Variants in ADGRF1 observed in about 807,000 individuals in gnomAD.
ADGRF1 encodes the protein G protein-coupled receptor 110.
Under a neutral mutation model 87.2 loss-of-function variants are expected in ADGRF1, and 85 were observed. That is an observed-to-expected ratio of 0.97 (90% CI 0.82 to 1.17). The LOEUF is 1.17. Ranked by LOEUF, ADGRF1 falls within the 50% of genes most tolerant of loss-of-function variation. The probability of loss-of-function intolerance (pLI) is 0.00; values close to 1 mark genes in which losing one functional copy is unlikely to be tolerated. For synonymous variants in ADGRF1, 430 were observed against 408.8 expected (o/e 1.05, Z -0.63); for missense variants, 1,169 against 1,077.2 (o/e 1.09, Z -1.19).
intron 13 of ADGRF1, 91 bp from the exon 14 acceptor site, chr6:47,001,658 T>A: frequency 1.0e-6 from 1 of 986,746 alleles, no homozygotes. Flanking sequence ...TATTCATGAT[T>A]CTTTATTTCA....
At chr6:47,036,209 G>C (rs1314718290) in intron 1 of ADGRF1, among the ~76,000 whole-genome samples, 1 of 152,120 alleles carries the variant, frequency 6.6e-6, no homozygotes, top group East Asian at 1.9e-4. Context: ...CAGCCTGGGA[G>C]AGAGAGGGAG....
At position 46,997,831 on chromosome 6, in the gene ADGRF1, A is replaced by T. The variant is rs1342199068; in HGVS notation, c.*2391T>A. 6.6e-6 allele frequency: 1 copy of T among 152,186 alleles called. No individual in the cohort carries two copies. Among genetic ancestry groups the T allele is most frequent in the Non-Finnish European group, 1.5e-5 (1 of 68,028 alleles). The allele number at this position is 152,186 out of a possible 1,614,324, so 9.4% of individuals were successfully genotyped here. The stretch of plus-strand genomic sequence containing the variant: ...ATCAAACATTTTTTTGTCTCTCATC[A>T]TCCTCATAAAATTTATTCAGTGGGA... On this transcript the variant is annotated 3_prime_UTR_variant, in exon 15 of 15. Coordinates refer to ENST00000371253, the MANE Select transcript of ADGRF1 (RefSeq NM_153840.4).
intron 1 of ADGRF1, among the ~76,000 whole-genome samples, chr6:47,031,351 G>GTCTC (rs374462680): frequency 0.064 from 7,068 of 110,612 alleles, 255 homozygotes; most frequent in Middle Eastern, 0.089. Context: ...CTCTCTCTCT[G>GTCTC]TCTCTCTCTC....
chr6:47,013,356 C>G (rs1057047485), intron 9 of ADGRF1: 138 of 985,468 alleles, frequency 1.4e-4, no homozygotes, highest in Non-Finnish European at 1.6e-4. Flanking sequence ...ATCTAATCCC[C>G]TTCCCCAGTT....
Position 46,998,546 on chromosome 6 carries a change from C to G in ADGRF1, c.*1676G>C, listed in dbSNP as rs1196216737. The G allele has an allele frequency of 6.6e-6, 1 of 152,270 alleles. No homozygotes were observed. The highest frequency in any genetic ancestry group is 1.5e-5 in the Non-Finnish European group (1 of 68,080). The allele number at this position is 152,270 out of a possible 1,614,324, so 9.4% of individuals were successfully genotyped here. A position where few individuals can be genotyped will look rare whatever the true frequency, so the allele number is the denominator to read the frequency against. ...GGCTATTCTCAACACAGAACTCATT[C>G]AGGGCTCTACTACCGGAGCTGTGGC... On this transcript the variant is annotated 3_prime_UTR_variant, in exon 15 of 15. Coordinates refer to ENST00000371253, the MANE Select transcript of ADGRF1 (RefSeq NM_153840.4).
intron 7 of ADGRF1, chr6:47,017,556 T>C (rs2113890046): frequency 6.6e-6 from 1 of 152,120 alleles, no homozygotes; most frequent in Middle Eastern, 3.4e-3. Flanking sequence ...CAATAATAAC[T>C]CCAAGGAATG....
chr6:47,037,025 C>T (rs1009759001), intron 1 of ADGRF1, among the ~76,000 whole-genome samples: 2 of 152,178 alleles, frequency 1.3e-5, no homozygotes, highest in Non-Finnish European at 2.9e-5. Context: ...AAGGAAAGTG[C>T]TGCTTCAAAA....
Position 47,001,541 on chromosome 6 carries a change from T to C in ADGRF1, c.2619A>G (p.Lys873=), listed in dbSNP as rs753005731. ...EKQNSSDLSA[K]PKFSKPFNPL... ...GGTTGAAAGGCTTTGAGAATTTGGG[T>C]TTGGCAGATAAATCTGATGAGTTTT... The change falls in exon 14 of 15, where the codon AAA becomes AAG. Residue 873 remains lysine (K), a synonymous_variant. Coordinates refer to ENST00000371253, the MANE Select transcript of ADGRF1 (RefSeq NM_153840.4). The C allele has an allele frequency of 8.1e-6, 13 of 1,613,916 alleles. No homozygotes were observed. The South Asian group carries it at 1.1e-4, about 14-fold the overall frequency.
At chr6:47,023,532 A>T (rs984132230) in intron 5 of ADGRF1, among the ~76,000 whole-genome samples, 1 of 152,112 alleles carries the variant, frequency 6.6e-6, no homozygotes, top group African/African-American at 2.4e-5. Flanking sequence ...CTCAGCTTCC[A>T]TTGGTTTCCT....
In ADGRF1 at chr6:47,009,507, A is replaced by G. The variant is rs753139873; in HGVS notation, c.1928T>C (p.Val643Ala). 1 of 1,613,976 alleles carries G rather than the reference A, an allele frequency of 6.2e-7. No individual in the cohort carries two copies. The highest frequency in any genetic ancestry group is 1.3e-5 in the African/African-American group (1 of 74,948). ...SLLIADVWFI[V>A]GATVDTTVNP... is the part of the protein sequence containing the mutation. ...CACCGTGGTGTCCACTGTGGCACCA[A>G]CAATAAACCAGACATCAGCAATCAA... The change falls in exon 11 of 15, where the codon GTT becomes GCT. Residue 643 changes from valine to alanine, a missense_variant. Transcript: ENST00000371253.
intron 1 of ADGRF1, among the ~76,000 whole-genome samples, chr6:47,031,668 CG>C (rs1561881318): frequency 6.6e-6 from 1 of 152,088 alleles, no homozygotes. Context: ...TGGGTGTCCC[CG>C]TCTCACCCTA....
rs1780334037 is a variant in ADGRF1 at position 47,029,071 on chromosome 6, A to G, written c.-10T>C. On this transcript the variant is annotated 5_prime_UTR_variant, in exon 2 of 15. Coordinates refer to ENST00000371253, the MANE Select transcript of ADGRF1 (RefSeq NM_153840.4). ...GCACTCCAACTTTCATTTTCCCTGGACTGAACAGCAGCAGTCGGGTGCATA... is the reference window on the plus strand; with the variant it reads ...GCACTCCAACTTTCATTTTCCCTGGGCTGAACAGCAGCAGTCGGGTGCATA... 6.2e-7 allele frequency: 1 copy of G among 1,612,986 alleles called. No individual in the cohort carries two copies. Among genetic ancestry groups the G allele is most frequent in the African/African-American group, 1.3e-5 (1 of 75,028 alleles).
At chr6:47,026,127 G>T in intron 3 of ADGRF1, 124 bp from the exon 4 acceptor site, 1 of 754,818 alleles carries the variant, frequency 1.3e-6, no homozygotes, top group South Asian at 2.3e-5. Flanking sequence ...TTGTTCCTGA[G>T]TTCCTCTCAT....
rs1257833612 is a variant in ADGRF1, at chr6:47,000,171, T to C, written c.*51A>G. 7.5e-7 allele frequency: 1 copy of C among 1,339,420 alleles called. No homozygotes were observed. Among genetic ancestry groups the C allele is most frequent in the Non-Finnish European group, 1.1e-6 (1 of 936,376 alleles). 83.0% of individuals were successfully genotyped at this position (1,339,420 alleles called of 1,614,324 possible). A position where few individuals can be genotyped will look rare whatever the true frequency, so the allele number is the denominator to read the frequency against. ...TAATTTCTTCATTGACATTTGTCTC[T>C]AAATGTCAAGTTGTTCTGGAAATTT... On this transcript the variant is annotated 3_prime_UTR_variant, in exon 15 of 15. Transcript: ENST00000371253.
At chr6:47,016,831 C>T (rs1189013416) in intron 7 of ADGRF1, 63 bp from the exon 8 acceptor site, 2 of 1,502,856 alleles carry the variant, frequency 1.3e-6, no homozygotes, top group Non-Finnish European at 1.8e-6. Flanking sequence ...CACTCCCGGC[C>T]TATGCTGTGT....
intron 5 of ADGRF1, among the ~76,000 whole-genome samples, chr6:47,022,753 A>G (rs1486456505): frequency 6.7e-6 from 1 of 150,164 alleles, no homozygotes; most frequent in East Asian, 2.0e-4. Context: ...TCTTTCAAAG[A>G]TGGATTAGAC....
In ADGRF1 at chr6:47,021,475, C is replaced by T. The variant is rs562178518; in HGVS notation, c.552+483G>A. 2.0e-5 allele frequency among the ~76,000 whole-genome samples: 3 copies of T among 152,242 alleles called. No individual in the cohort carries two copies. The East Asian group carries it at 5.8e-4, about 29-fold the overall frequency. On this transcript the variant is annotated intron_variant, in intron 6 of 14. Transcript: ENST00000371253. ...TCCCGGGTTCAAGCAATTCTCGTGC[C>T]TCATCACCTGAGTATCTGGGATTAC...
Position 47,006,375 on chromosome 6 carries a change from T to C in ADGRF1, c.2533-499A>G, listed in dbSNP as rs368835359. On this transcript the variant is annotated intron_variant, in intron 12 of 14. Transcript: ENST00000371253. Reference sequence around the variant, plus strand: ...ATGGCCTTCACCTCTCCCAACAGAATTGTTTAATGCTTGGGTTTATGAAAC... The same window carrying C: ...ATGGCCTTCACCTCTCCCAACAGAACTGTTTAATGCTTGGGTTTATGAAAC... Among the ~76,000 whole-genome samples, 8 of 152,324 alleles carry C rather than the reference T, an allele frequency of 5.3e-5. No individual in the cohort carries two copies. The East Asian group carries it at 1.2e-3, about 22-fold the overall frequency.
intron 2 of ADGRF1, 119 bp downstream of exon 2, chr6:47,028,874 G>A: frequency 1.3e-6 from 1 of 776,070 alleles, no homozygotes; most frequent in South Asian, 1.5e-5. Context: ...CAGGACTTCT[G>A]ATCTCAAGTA....
Sources: gnomAD v4.1 joint callset for allele counts (sites outside exome capture counted in the v4.1 genomes callset) on GRCh38, gnomAD v4.1.1 for gene constraint, MANE v1.5 for transcripts, NCBI Gene and HGNC (gene_info 2026-07-23, HGNC 2026-07-21) for gene names.